The following ZNF718 variants were observed in gnomAD, a reference collection of about 807,000 sequenced individuals.
ZNF718 encodes zinc finger protein 718.
ZNF718 carries 3 observed loss-of-function variants against 2.6 expected under a neutral mutation model. The ratio of observed to expected loss-of-function variants is 1.16; its 90% CI spans 0.53 to 3.01. ZNF718 has a LOEUF of 3.01. Ranked by LOEUF, ZNF718 falls within the 30% of genes most tolerant of loss-of-function variation. ZNF718 has a pLI of 0.03. For missense variants in ZNF718, 468 were observed against 230.0 expected (o/e 2.03, Z -6.69); for synonymous variants, 135 against 77.9 (o/e 1.73, Z -3.86).
intron 3 of ZNF718, among the ~76,000 whole-genome samples, chr4:145,963 A>G (rs1002721177): frequency 6.6e-6 from 1 of 151,792 alleles, no homozygotes; most frequent in Non-Finnish European, 1.5e-5. Context: ...ACTTTTTTTT[A>G]ATATTGTGTA....
chr4:201,350 A>G (rs1560135701), intron 4 of ZNF718: 1 of 152,482 alleles, frequency 6.6e-6, no homozygotes, highest in Non-Finnish European at 1.5e-5. Context: ...AGTGATTTCA[A>G]CCTAGCTTGC....
At chr4:174,721 CAT>C (rs1424377076) in intron 3 of ZNF718, among the ~76,000 whole-genome samples, 2 of 152,148 alleles carry the variant, frequency 1.3e-5, no homozygotes, top group African/African-American at 4.8e-5. Flanking sequence ...TGAAGAATCT[CAT>C]AGTAGAATAG....
chr4:156,504 G>A (rs77152455), intron 3 of ZNF718, among the ~76,000 whole-genome samples: 114,771 of 151,692 alleles, frequency 0.76, 43,727 homozygotes, highest in East Asian at 0.96. Context: ...AAAAAAAACA[G>A]ACTTTACAAT....
At chr4:182,017 A>G (rs1252280055) in intron 3 of ZNF718, among the ~76,000 whole-genome samples, 1 of 152,180 alleles carries the variant, frequency 6.6e-6, no homozygotes, top group Non-Finnish European at 1.5e-5. Flanking sequence ...ATGGATGCAT[A>G]GAATTTCATG....
At position 162,188 on chromosome 4, in the gene ZNF718, G is replaced by C; in HGVS notation, c.*66G>C. 1 of 611,846 alleles carries C rather than the reference G, an allele frequency of 1.6e-6. No homozygotes were observed. Among genetic ancestry groups the C allele is most frequent in the Non-Finnish European group, 3.0e-6 (1 of 335,554 alleles). The allele number at this position is 611,846 out of a possible 1,614,324, so 37.9% of individuals were successfully genotyped here. On this transcript the variant is annotated 3_prime_UTR_variant, in exon 4 of 4. Transcript: ENST00000510175. ...TTTTCTAATCATAATTCATACTGGAGAGAAACTCTACACATGAAAAAATTG... is the reference window on the plus strand; with the variant it reads ...TTTTCTAATCATAATTCATACTGGACAGAAACTCTACACATGAAAAAATTG...
chr4:163,103 C>G lies in ZNF718; in HGVS notation c.*981C>G, dbSNP rs1415692556. 6.6e-6 allele frequency: 1 copy of G among 151,886 alleles called. No homozygotes were observed. The highest frequency in any genetic ancestry group is 2.4e-5 in the African/African-American group (1 of 41,364). The allele number at this position is 151,886 out of a possible 1,614,324, so 9.4% of individuals were successfully genotyped here. A position where few individuals can be genotyped will look rare whatever the true frequency, so the allele number is the denominator to read the frequency against. On this transcript the variant is annotated 3_prime_UTR_variant, in exon 4 of 4. Transcript: ENST00000510175. ...ACTCTAAAATTACTTCATACTGATT[C>G]AACTTATTGTTTATATGAAAGCATG... is the stretch of plus-strand genomic sequence containing the variant.
At chr4:134,529 CTT>C (rs1553808985) in intron 3 of ZNF718, among the ~76,000 whole-genome samples, 2 of 152,126 alleles carry the variant, frequency 1.3e-5, no homozygotes, top group Non-Finnish European at 2.9e-5. Flanking sequence ...AAAATTTTCA[CTT>C]TGAATATATA....
chr4:155,829 A>G (rs1210786521), intron 3 of ZNF718, among the ~76,000 whole-genome samples: 1 of 152,154 alleles, frequency 6.6e-6, no homozygotes, highest in Non-Finnish European at 1.5e-5. Flanking sequence ...GGGTGGAATG[A>G]TAGGGTTTGG....
At chr4:196,320 G>A (rs1448988106) in intron 3 of ZNF718, among the ~76,000 whole-genome samples, 1 of 152,136 alleles carries the variant, frequency 6.6e-6, no homozygotes, top group African/African-American at 2.4e-5. Flanking sequence ...AACTGCCCAT[G>A]TCAAGAGCTG....
chr4:177,034 C>G (rs76044567), intron 3 of ZNF718, among the ~76,000 whole-genome samples: 3,581 of 152,260 alleles, frequency 0.024, 75 homozygotes, highest in African/African-American at 0.06. Flanking sequence ...TTACCTCACC[C>G]CTAAAATTTC....
At chr4:125,312 A>G (rs1553807793) in intron 1 of ZNF718, 1 of 152,564 alleles carries the variant, frequency 6.6e-6, no homozygotes. Context: ...TAGTTCTGCC[A>G]CATTATTGAA....
rs187031880 is a variant in ZNF718 at position 127,085 on chromosome 4, A to C, written c.3+2412A>C. ...ATGATCCACCGGCCTTGGCCTCCCA[A>C]AGTGCTGGGATTATAGGCGTGAGCC... On this transcript the variant is annotated intron_variant, in intron 1 of 3. Transcript: ENST00000510175. 1.3e-4 allele frequency among the ~76,000 whole-genome samples: 19 copies of C among 151,954 alleles called. No individual in the cohort carries two copies. In the East Asian group the frequency reaches 3.7e-3, roughly 30 times the overall value.
In ZNF718 at chr4:124,600, CTG is replaced by C. The variant is rs1553807578; in HGVS notation, c.-68_-67del. On this transcript the variant is annotated 5_prime_UTR_variant, in exon 1 of 4. Transcript: ENST00000510175. The stretch of plus-strand genomic sequence containing the variant: ...GGTGATTCTGCCACAGCCTCAGCCT[CTG>C]TGGCTCTGTGACCTGCCGGTATTGG... The C allele has an allele frequency of 6.3e-7, 1 of 1,596,556 alleles. No individual in the cohort carries two copies. Among genetic ancestry groups the C allele is most frequent in the African/African-American group, 1.3e-5 (1 of 74,882 alleles).
chr4:169,202 A>C (rs112844323), intron 3 of ZNF718, among the ~76,000 whole-genome samples: 1 of 152,192 alleles, frequency 6.6e-6, no homozygotes, highest in Non-Finnish European at 1.5e-5. Flanking sequence ...GTTTGATTGC[A>C]CTGTGGTCTG....
chr4:145,242 A>T (rs1285053948), intron 3 of ZNF718, among the ~76,000 whole-genome samples: 1 of 152,166 alleles, frequency 6.6e-6, no homozygotes, highest in East Asian at 1.9e-4. Context: ...TATTGATGAG[A>T]ACTTATTACT....
rs147370822 is a variant in ZNF718 at position 135,425 on chromosome 4, G to A, written c.226+3920G>A. On this transcript the variant is annotated intron_variant, in intron 3 of 3. Coordinates refer to ENST00000510175, the MANE Select transcript of ZNF718 (RefSeq NM_001039127.6). Reference sequence around the variant, plus strand: ...TACATTGGTTCCATCTTGAAAGGCAGGACAGCTTAAGCAGGGATAGTGTTT... The same window carrying A: ...TACATTGGTTCCATCTTGAAAGGCAAGACAGCTTAAGCAGGGATAGTGTTT... 7.3e-3 allele frequency among the ~76,000 whole-genome samples: 1,108 copies of A among 151,908 alleles called. 11 individuals are homozygous for A. Among genetic ancestry groups the A allele is most frequent in the Middle Eastern group, 0.061 (18 of 294 alleles).
intron 3 of ZNF718, among the ~76,000 whole-genome samples, chr4:159,210 G>A (rs1716717824): frequency 6.6e-6 from 1 of 151,506 alleles, no homozygotes; most frequent in African/African-American, 2.4e-5. Flanking sequence ...TAATTTTTTT[G>A]TATTTTTAGT....
rs149681945 is a variant in ZNF718, at chr4:159,606, C to G, written c.227-1306C>G. Reference sequence around the variant, plus strand: ...ATCCTTTTTTTACTTTTGAAAATGTCTCAGTCATTATTGTTGTATTTTTCA... The same window carrying G: ...ATCCTTTTTTTACTTTTGAAAATGTGTCAGTCATTATTGTTGTATTTTTCA... On this transcript the variant is annotated intron_variant, in intron 3 of 3. Transcript: ENST00000510175. Among the ~76,000 whole-genome samples, 14 of 152,106 alleles carry G rather than the reference C, an allele frequency of 9.2e-5. No homozygotes were observed. In the East Asian group the frequency reaches 2.3e-3, roughly 25 times the overall value.
chr4:153,272 C>T (rs1004212298), intron 3 of ZNF718, among the ~76,000 whole-genome samples: 5 of 152,074 alleles, frequency 3.3e-5, no homozygotes, highest in Non-Finnish European at 7.4e-5. Context: ...ATACTGTCAT[C>T]TGTCTATTTT....
Sources: allele counts gnomAD v4.1 joint callset (sites outside exome capture counted in the v4.1 genomes callset), GRCh38; gene constraint gnomAD v4.1.1; transcripts MANE v1.5; gene names NCBI Gene and HGNC (gene_info 2026-07-23, HGNC 2026-07-21).